The following ZNF229 variants were observed in gnomAD, a reference collection of about 807,000 sequenced individuals.
The protein encoded by ZNF229 is zinc finger protein 229.
A neutral mutation model predicts 11.8 loss-of-function variants in ZNF229; 10 were observed. The ratio of observed to expected loss-of-function variants is 0.85; its 90% CI spans 0.52 to 1.44. ZNF229 has a LOEUF of 1.44. Ranked by LOEUF, ZNF229 falls within the 40% of genes most tolerant of loss-of-function variation. The pLI is 0.00. For missense variants in ZNF229, 1,045 were observed against 1,015.1 expected (o/e 1.03, Z -0.40); for synonymous variants, 368 against 374.8 (o/e 0.98, Z 0.21).
At position 44,429,221 on chromosome 19, in the gene ZNF229, G is replaced by C. The variant is rs762681407; in HGVS notation, c.1560C>G (p.Asn520Lys). The change falls in exon 6 of 6, where the codon AAC becomes AAG. Residue 520 changes from asparagine (N) to lysine (K), a missense_variant. Coordinates refer to ENST00000614049, the MANE Select transcript of ZNF229 (RefSeq NM_014518.4). ...VHMGQHLYKC[N>K]VCGKSFSYSS... ...TGTAACTGAAACTCTTACCACACAC[G>C]TTACATTTGTACAGATGCTGCCCCA... 1 of 1,613,930 alleles carries C rather than the reference G, an allele frequency of 6.2e-7. No individual in the cohort carries two copies. Among genetic ancestry groups the C allele is most frequent in the South Asian group, 1.1e-5 (1 of 91,066 alleles).
intron 4 of ZNF229, among the ~76,000 whole-genome samples, chr19:44,438,670 C>T (rs1380920125): frequency 1.3e-5 from 2 of 152,084 alleles, no homozygotes; most frequent in Admixed American, 6.5e-5. Flanking sequence ...TATAGTACTT[C>T]CCCCTCCCCC....
Position 44,429,793 on chromosome 19 carries a change from C to T in ZNF229, c.988G>A (p.Val330Ile), listed in dbSNP as rs767115854. The T allele has an allele frequency of 1.6e-5, 26 of 1,613,924 alleles. No individual in the cohort carries two copies. Among genetic ancestry groups the T allele is most frequent in the African/African-American group, 5.3e-5 (4 of 74,850 alleles). ...TTACGTATGTGCGTGTTCTGTCTGA[C>T]GCCCCGACCACGCTCAAGACTCTTA... ...SVKSLERGRGVRQNTHIRNHP... is the reference protein window; with the variant it reads ...SVKSLERGRGIRQNTHIRNHP... The change falls in exon 6 of 6, where the codon GTC (valine) becomes ATC (isoleucine). Residue 330 changes from valine (V) to isoleucine (I), a missense_variant. Val to Ile is a conservative substitution (Grantham distance 29). Coordinates refer to ENST00000614049, the MANE Select transcript of ZNF229 (RefSeq NM_014518.4).
chr19:44,446,425 G>T (rs900136199), intron 2 of ZNF229, among the ~76,000 whole-genome samples: 1 of 152,166 alleles, frequency 6.6e-6, no homozygotes, highest in Admixed American at 6.5e-5. Context: ...TAACACCACA[G>T]GAGAGACTTA....
chr19:44,430,572 G>A (rs1971705494), intron 5 of ZNF229, 30 bp from the exon 6 acceptor site: 2 of 1,575,832 alleles, frequency 1.3e-6, no homozygotes, highest in Non-Finnish European at 1.7e-6. Context: ...TCAGAGATGA[G>A]AACTAGTAAA....
intron 4 of ZNF229, among the ~76,000 whole-genome samples, chr19:44,441,909 C>A (rs1271624646): frequency 6.7e-6 from 1 of 149,488 alleles, no homozygotes; most frequent in African/African-American, 2.4e-5. Context: ...GTTGACCTTT[C>A]AAATCTTTGG....
At chr19:44,438,899 A>G (rs1486366494) in intron 4 of ZNF229, among the ~76,000 whole-genome samples, 1 of 152,220 alleles carries the variant, frequency 6.6e-6, no homozygotes, top group Non-Finnish European at 1.5e-5. Flanking sequence ...ATAAACCAGT[A>G]AACATAAGTG....
chr19:44,429,221 G>A lies in ZNF229; in HGVS notation c.1560C>T (p.Asn520=), dbSNP rs762681407. The change falls in exon 6 of 6, where the codon AAC becomes AAT. Residue 520 remains asparagine (N), a synonymous_variant. Coordinates refer to ENST00000614049, the MANE Select transcript of ZNF229 (RefSeq NM_014518.4). ...TGTAACTGAAACTCTTACCACACAC[G>A]TTACATTTGTACAGATGCTGCCCCA... The part of the protein sequence containing the change: ...VHMGQHLYKC[N]VCGKSFSYSS... 2.4e-5 allele frequency: 38 copies of A among 1,613,810 alleles called. No individual in the cohort carries two copies. The highest frequency in any genetic ancestry group is 1.6e-4 in the Middle Eastern group (1 of 6,082).
chr19:44,432,922 AG>A (rs1971750957), intron 4 of ZNF229, among the ~76,000 whole-genome samples: 1 of 152,298 alleles, frequency 6.6e-6, no homozygotes, highest in Admixed American at 6.5e-5. Flanking sequence ...ACAAGATAGC[AG>A]GAAGTTGTTC....
At chr19:44,432,722 G>T (rs1971747544) in intron 4 of ZNF229, among the ~76,000 whole-genome samples, 1 of 151,978 alleles carries the variant, frequency 6.6e-6, no homozygotes, top group African/African-American at 2.4e-5. Context: ...GATAGCATTA[G>T]GAGATATACC....
intron 4 of ZNF229, 88 bp downstream of exon 4, chr19:44,442,475 C>T (rs756237532): frequency 1.5e-6 from 2 of 1,356,942 alleles, no homozygotes; most frequent in Admixed American, 1.9e-5. Context: ...ATACATTTTT[C>T]GCTCTTTTTC....
chr19:44,431,204 ACTG>A (rs1971717020), intron 5 of ZNF229, among the ~76,000 whole-genome samples: 1 of 152,140 alleles, frequency 6.6e-6, no homozygotes, highest in Non-Finnish European at 1.5e-5. Context: ...TCCAGAAAAT[ACTG>A]TTAAGGCAGG....
In ZNF229 at chr19:44,428,262, A is replaced by C. The variant is rs775208443; in HGVS notation, c.*41T>G. ...TTCTCCTGTGTTGGCTCTCAGATGGATAGAAAGCTCTGAGTCCCAGATGGA... is the reference window on the plus strand; with the variant it reads ...TTCTCCTGTGTTGGCTCTCAGATGGCTAGAAAGCTCTGAGTCCCAGATGGA... On this transcript the variant is annotated 3_prime_UTR_variant, in exon 6 of 6. Transcript: ENST00000614049. The C allele has an allele frequency of 5.2e-5, 81 of 1,548,710 alleles. No individual in the cohort carries two copies. Among genetic ancestry groups the C allele is most frequent in the Non-Finnish European group, 6.7e-5 (77 of 1,145,292 alleles).
intron 4 of ZNF229, among the ~76,000 whole-genome samples, chr19:44,441,488 G>C (rs959926578): frequency 1.3e-5 from 2 of 151,960 alleles, no homozygotes; most frequent in Non-Finnish European, 2.9e-5. Flanking sequence ...ATTTTTTTCA[G>C]TTTAAAAGAA....
In ZNF229 at chr19:44,428,626, T is replaced by C; in HGVS notation, c.2155A>G (p.Lys719Glu). The change falls in exon 6 of 6, where the codon AAG becomes GAG. Residue 719 changes from lysine (K) to glutamate (E), a missense_variant. Lys to Glu is a moderately conservative substitution (Grantham distance 56, BLOSUM62 1). Transcript: ENST00000614049. The part of the protein sequence containing the change: ...EKPYTCCECG[K>E]GFRYGSGLLS... ...AGACCTGAGCCATATCTGAAACCCTTCCCACATTCACAACAAGTGTAGGGT... is the reference window on the plus strand; with the variant it reads ...AGACCTGAGCCATATCTGAAACCCTCCCCACATTCACAACAAGTGTAGGGT... 1 of 1,614,000 alleles carries C rather than the reference T, an allele frequency of 6.2e-7. No individual in the cohort carries two copies. Among genetic ancestry groups the C allele is most frequent in the African/African-American group, 1.3e-5 (1 of 74,940 alleles).
At chr19:44,442,782 T>TGCCCCCCCCCCCC in intron 3 of ZNF229, 32 bp downstream of exon 3, 10 of 1,545,126 alleles carry the variant, frequency 6.5e-6, no homozygotes, top group Non-Finnish European at 8.9e-6. Flanking sequence ...GTTTGGATTC[T>TGCCCCCCCCCCCC]CCCCCCACCC....
rs930821275 is a variant in ZNF229, at chr19:44,429,116, C to T, written c.1665G>A (p.Arg555=). The T allele has an allele frequency of 2.0e-5, 33 of 1,611,940 alleles. No homozygotes were observed. Among genetic ancestry groups the T allele is most frequent in the Non-Finnish European group, 2.8e-5 (33 of 1,179,460 alleles). The change falls in exon 6 of 6, where the codon CGG becomes CGA. Residue 555 remains arginine (R), a synonymous_variant. Coordinates refer to ENST00000614049, the MANE Select transcript of ZNF229 (RefSeq NM_014518.4). ...TCTGATGGATGTGGAGGTCGGAGCTCCGGCCAAAGCTCTTCCCGCACTCGC... is the reference window on the plus strand; with the variant it reads ...TCTGATGGATGTGGAGGTCGGAGCTTCGGCCAAAGCTCTTCCCGCACTCGC... ...YKCECGKSFG[R]SSDLHIHQRV...
At chr19:44,446,098 T>C (rs77893991) in intron 2 of ZNF229, among the ~76,000 whole-genome samples, 2,031 of 152,116 alleles carry the variant, frequency 0.013, 41 homozygotes, top group African/African-American at 0.038. Context: ...GGAGCTCACA[T>C]TGGGGGAGAA....
chr19:44,429,311 CTGGT>C lies in ZNF229; in HGVS notation c.1466_1469del (p.Tyr489CysfsTer330). 1.2e-6 allele frequency: 2 copies of C among 1,614,060 alleles called. No individual in the cohort carries two copies. Among genetic ancestry groups the C allele is most frequent in the South Asian group, 2.2e-5 (2 of 91,082 alleles). ...TGAAACCTTTGCCACACTTGTCACA[CTGGT>C]AGGGCCTCTCGCCGGTGTGTGTCTT... On this transcript the variant is annotated frameshift_variant, in exon 6 of 6. Coordinates refer to ENST00000614049, the MANE Select transcript of ZNF229 (RefSeq NM_014518.4). LOFTEE classifies it low-confidence loss of function (END_TRUNC).
Position 44,430,030 on chromosome 19 carries a change from T to C in ZNF229, c.751A>G (p.Lys251Glu). The C allele has an allele frequency of 6.2e-7, 1 of 1,614,194 alleles. No individual in the cohort carries two copies. The highest frequency in any genetic ancestry group is 1.6e-4 in the Middle Eastern group (1 of 6,062). The change falls in exon 6 of 6, where the codon AAA becomes GAA. Residue 251 changes from lysine (K) to glutamate (E), a missense_variant. Transcript: ENST00000614049. ...GCNKCRKDCI[K>E]NSVLHRINPG... ...TTAATGCGATGAAGTACAGAGTTTT[T>C]AATGCAGTCTTTTCTGCATTTATTG...
Sources: allele counts gnomAD v4.1 joint callset (sites outside exome capture counted in the v4.1 genomes callset), GRCh38; gene constraint gnomAD v4.1.1; transcripts MANE v1.5; gene names NCBI Gene and HGNC (gene_info 2026-07-23, HGNC 2026-07-21).